Variants in CNIH3 observed in about 807,000 individuals in gnomAD.
The protein encoded by CNIH3 is cornichon family AMPA receptor auxiliary protein 3, also known as protein cornichon homolog 3.
A neutral mutation model predicts 24.1 loss-of-function variants in CNIH3; 14 were observed. The observed-to-expected ratio is 0.58, with a 90% CI of 0.38 to 0.91. The LOEUF is 0.91. CNIH3 is among the 40% of genes least tolerant of loss of function. The probability of loss-of-function intolerance (pLI) is 0.00; values close to 1 mark genes in which losing one functional copy is unlikely to be tolerated. For synonymous variants in CNIH3, 68 were observed against 73.8 expected, an observed-to-expected ratio of 0.92 and a Z score of 0.40; for missense variants, 178 against 196.8, an observed-to-expected ratio of 0.90 and a Z score of 0.57.
At chr1:224,609,643 G>A (rs1388487495) in intron 3 of CNIH3, among the ~76,000 whole-genome samples, 1 of 152,192 alleles carries the variant, frequency 6.6e-6, no homozygotes, top group African/African-American at 2.4e-5. Flanking sequence ...GGAAAATACT[G>A]TTTAGGAGAT....
intron 1 of CNIH3, among the ~76,000 whole-genome samples, chr1:224,447,174 G>A (rs1007968330): frequency 6.6e-6 from 1 of 152,048 alleles, no homozygotes; most frequent in African/African-American, 2.4e-5. Flanking sequence ...ATCTGCAAGC[G>A]GGAGCCCCTG....
At chr1:224,602,356 C>T (rs539074878) in intron 3 of CNIH3, among the ~76,000 whole-genome samples, 1 of 152,238 alleles carries the variant, frequency 6.6e-6, no homozygotes, top group African/African-American at 2.4e-5. Context: ...TCAAAGGTTA[C>T]TTCTATAATA....
chr1:224,519,391 AC>A (rs1478962345), intron 1 of CNIH3, among the ~76,000 whole-genome samples: 1 of 152,064 alleles, frequency 6.6e-6, no homozygotes, highest in African/African-American at 2.4e-5. Flanking sequence ...AGGCCTTCAG[AC>A]TAGGACGGAA....
chr1:224,491,141 C>T (rs977625262), intron 1 of CNIH3, among the ~76,000 whole-genome samples: 1 of 152,150 alleles, frequency 6.6e-6, no homozygotes, highest in African/African-American at 2.4e-5. Flanking sequence ...CCTTCTCAGG[C>T]CATATTTAGT....
chr1:224,550,566 CAG>C (rs1259050200), intron 3 of CNIH3, among the ~76,000 whole-genome samples: 1 of 152,084 alleles, frequency 6.6e-6, no homozygotes, highest in Middle Eastern at 3.2e-3. Context: ...ATAGAAATAA[CAG>C]AGTGATGGTG....
chr1:224,436,454 G>A (rs1674671948), intron 1 of CNIH3, among the ~76,000 whole-genome samples: 1 of 152,164 alleles, frequency 6.6e-6, no homozygotes, highest in Non-Finnish European at 1.5e-5. Flanking sequence ...GTTTTATAAA[G>A]GAAATCAGTC....
intron 4 of CNIH3, among the ~76,000 whole-genome samples, chr1:224,570,094 T>G (rs1680756336): frequency 6.6e-6 from 1 of 152,224 alleles, no homozygotes; most frequent in Non-Finnish European, 1.5e-5. Context: ...AAGCATATTT[T>G]CATATGGATA....
exon 3 of CNIH3, chr1:224,546,833 C>T (rs1339415681): frequency 1.1e-6 from 1 of 933,626 alleles, no homozygotes; most frequent in African/African-American, 1.8e-5. Context: ...CTCCAGTGAT[C>T]CTCATGGAAC....
intron 4 of CNIH3, among the ~76,000 whole-genome samples, chr1:224,732,258 A>G (rs1456458440): frequency 6.6e-6 from 1 of 152,164 alleles, no homozygotes; most frequent in Non-Finnish European, 1.5e-5. Context: ...AATTGGGTGC[A>G]GGTGAGGGAG....
chr1:224,627,951 T>C (rs950427701), intron 1 of CNIH3, among the ~76,000 whole-genome samples: 2 of 152,216 alleles, frequency 1.3e-5, no homozygotes, highest in Non-Finnish European at 2.9e-5. Flanking sequence ...AGCCGAAGGA[T>C]TGATACAGGC....
At chr1:224,683,803 A>G (rs1039802809) in intron 2 of CNIH3, among the ~76,000 whole-genome samples, 2 of 152,320 alleles carry the variant, frequency 1.3e-5, no homozygotes, top group Middle Eastern at 3.4e-3. Flanking sequence ...CGTGTCTTGT[A>G]GCATTCCCTT....
In CNIH3 at chr1:224,707,710, T is replaced by G. The variant is rs563741332; in HGVS notation, c.199-22752T>G. Among the ~76,000 whole-genome samples, 29 of 152,322 alleles carry G rather than the reference T, an allele frequency of 1.9e-4. No homozygotes were observed. In the South Asian group the frequency reaches 6.0e-3, roughly 32 times the overall value. On this transcript the variant is annotated intron_variant, in intron 3 of 5. Coordinates refer to ENST00000272133, the MANE Select transcript of CNIH3 (RefSeq NM_152495.2). ...GATCATAATCTGCATTTTAACAAGA[T>G]CCTTGTATGCACATTATTTTGAGCA...
At chr1:224,667,752 AT>A (rs1352747347) in intron 1 of CNIH3, among the ~76,000 whole-genome samples, 3 of 131,068 alleles carry the variant, frequency 2.3e-5, no homozygotes, top group African/African-American at 8.9e-5. Context: ...AGTCAGTCCA[AT>A]AAAAAAAAAA....
intron 1 of CNIH3, among the ~76,000 whole-genome samples, chr1:224,457,417 C>A (rs1363908862): frequency 6.6e-6 from 1 of 151,770 alleles, no homozygotes; most frequent in African/African-American, 2.4e-5. Flanking sequence ...TCTGCCTAGC[C>A]TTTACATTTC....
chr1:224,449,727 C>T (rs533761807), intron 1 of CNIH3, among the ~76,000 whole-genome samples: 6 of 152,260 alleles, frequency 3.9e-5, no homozygotes, highest in African/African-American at 1.4e-4. Context: ...AAAATGATTT[C>T]AGTGGCCCTC....
At chr1:224,681,411 G>A (rs989825137) in intron 2 of CNIH3, among the ~76,000 whole-genome samples, 1 of 152,188 alleles carries the variant, frequency 6.6e-6, no homozygotes, top group Non-Finnish European at 1.5e-5. Context: ...CTCCACCTGG[G>A]CACCAAGTGG....
chr1:224,649,954 G>A (rs1684789549), intron 1 of CNIH3, among the ~76,000 whole-genome samples: 1 of 152,190 alleles, frequency 6.6e-6, no homozygotes, highest in African/African-American at 2.4e-5. Context: ...CTCTGAAATG[G>A]CAGAAATCTT....
At chr1:224,568,161 G>C (rs763866673) in intron 4 of CNIH3, among the ~76,000 whole-genome samples, 1 of 152,024 alleles carries the variant, frequency 6.6e-6, no homozygotes, top group Non-Finnish European at 1.5e-5. Context: ...ATGGTGGCAC[G>C]TGCCTGTTAT....
intron 3 of CNIH3, among the ~76,000 whole-genome samples, chr1:224,707,491 T>G (rs1215528957): frequency 1.7e-5 from 2 of 118,224 alleles, no homozygotes; most frequent in Admixed American, 1.1e-4. Flanking sequence ...AACCACAAAG[T>G]TCACAGAAGC....
Sources: gnomAD v4.1 joint callset for allele counts (sites outside exome capture counted in the v4.1 genomes callset) on GRCh38, gnomAD v4.1.1 for gene constraint, MANE v1.5 for transcripts, NCBI Gene and HGNC (gene_info 2026-07-23, HGNC 2026-07-21) for gene names.